SPAG16: variants seen among roughly 807,000 people sequenced by gnomAD.
The protein encoded by SPAG16 is sperm associated antigen 16, also known as sperm-associated antigen 16 protein.
In SPAG16, 86 loss-of-function variants were observed where a neutral mutation model predicts 80.4. The ratio of observed to expected loss-of-function variants is 1.07; its 90% CI spans 0.90 to 1.28. The LOEUF is 1.28. Among genes scored for constraint, SPAG16 ranks in the 50% most tolerant of loss-of-function variants. The pLI is 0.00. For missense variants in SPAG16, 870 were observed against 765.3 expected (o/e 1.14, Z -1.61); for synonymous variants, 294 against 265.9 (o/e 1.11, Z -1.03).
chr2:213,859,122 T>A (rs1238275389), intron 10 of SPAG16, among the ~76,000 whole-genome samples: 1 of 123,894 alleles, frequency 8.1e-6, no homozygotes, highest in African/African-American at 3.2e-5. Context: ...GAGGTTGTAG[T>A]GAGCCGAGAT....
intron 9 of SPAG16, among the ~76,000 whole-genome samples, chr2:213,385,864 C>A (rs1057510636): frequency 6.6e-6 from 1 of 151,840 alleles, no homozygotes; most frequent in Admixed American, 6.6e-5. Context: ...CCATAAAATT[C>A]ATGTACTAAA....
At chr2:214,155,219 GA>G (rs1188172009) in intron 15 of SPAG16, among the ~76,000 whole-genome samples, 1 of 152,074 alleles carries the variant, frequency 6.6e-6, no homozygotes, top group Admixed American at 6.6e-5. Flanking sequence ...CCTGAGGCCA[GA>G]AAAAAATCTA....
intron 2 of SPAG16, 109 bp downstream of exon 2, chr2:213,296,219 G>A: frequency 2.6e-6 from 2 of 763,692 alleles, no homozygotes; most frequent in Non-Finnish European, 4.3e-6. Flanking sequence ...TTTCTTAAGA[G>A]ATACCAGTTT....
chr2:214,056,569 G>A (rs2049958494), intron 13 of SPAG16, among the ~76,000 whole-genome samples: 1 of 151,940 alleles, frequency 6.6e-6, no homozygotes, highest in Non-Finnish European at 1.5e-5. Context: ...CCTTCAGCAA[G>A]TTGTAATGTT....
chr2:214,064,394 T>C (rs773726220), intron 13 of SPAG16, among the ~76,000 whole-genome samples: 1 of 152,126 alleles, frequency 6.6e-6, no homozygotes, highest in African/African-American at 2.4e-5. Flanking sequence ...AATTATTCTC[T>C]TGTTCTAAAA....
At chr2:213,386,745 C>T (rs1017781710) in intron 9 of SPAG16, among the ~76,000 whole-genome samples, 1 of 152,096 alleles carries the variant, frequency 6.6e-6, no homozygotes, top group African/African-American at 2.4e-5. Flanking sequence ...ATTAGGGGAA[C>T]AATTTTTGTG....
chr2:214,369,330 T>G (rs1386045778), intron 15 of SPAG16, among the ~76,000 whole-genome samples: 2 of 152,178 alleles, frequency 1.3e-5, no homozygotes, highest in African/African-American at 4.8e-5. Flanking sequence ...AATCTTCTTC[T>G]GCAACTCACT....
chr2:213,978,765 G>A (rs1259433511), intron 12 of SPAG16, among the ~76,000 whole-genome samples: 1 of 152,074 alleles, frequency 6.6e-6, no homozygotes, highest in Non-Finnish European at 1.5e-5. Context: ...TGTGATTGGG[G>A]CAGGAAGATC....
At chr2:213,830,932 A>G (rs937849467) in intron 10 of SPAG16, among the ~76,000 whole-genome samples, 3 of 152,048 alleles carry the variant, frequency 2.0e-5, no homozygotes, top group Non-Finnish European at 2.9e-5. Flanking sequence ...ATACATATCA[A>G]TGATATATGG....
At position 214,269,910 on chromosome 2, in the gene SPAG16, G is replaced by T. The variant is rs73989412; in HGVS notation, c.1720+120644G>T. Among the ~76,000 whole-genome samples the T allele has an allele frequency of 1.2e-3, 186 of 152,162 alleles. 1 individual carries two copies. The highest frequency in any genetic ancestry group is 4.2e-3 in the African/African-American group (176 of 41,536). On this transcript the variant is annotated intron_variant, in intron 15 of 15. Coordinates refer to ENST00000331683, the MANE Select transcript of SPAG16 (RefSeq NM_024532.5). Reference sequence around the variant, plus strand: ...AAATTGAACTTATCCTGAAATGTTTGCTTAAAGGCAAATGTTATTTCCTGA... The same window carrying T: ...AAATTGAACTTATCCTGAAATGTTTTCTTAAAGGCAAATGTTATTTCCTGA...
At chr2:213,588,837 A>AAAAAAAAAAAAAAAC (rs2060573779) in intron 10 of SPAG16, among the ~76,000 whole-genome samples, 1 of 147,118 alleles carries the variant, frequency 6.8e-6, no homozygotes, top group Non-Finnish European at 1.5e-5. Flanking sequence ...AAAAAAAAAA[A>AAAAAAAAAAAAAAAC]AAAAAAGACT....
rs1036948193 is a variant in SPAG16 at position 213,651,456 on chromosome 2, GA to G, written c.1070+161369del. ...GGTACTTCCTTTTTGGCAGTAAGCA[GA>G]AACCTCTCCCAAGAGTTTGGGAAGC... On this transcript the variant is annotated intron_variant, in intron 10 of 15. Transcript: ENST00000331683. Among the ~76,000 whole-genome samples the G allele has an allele frequency of 3.3e-5, 5 of 152,282 alleles. No individual in the cohort carries two copies. The East Asian group carries it at 5.8e-4, about 18-fold the overall frequency.
chr2:214,272,452 C>A (rs377570248), intron 15 of SPAG16, among the ~76,000 whole-genome samples: 4 of 152,126 alleles, frequency 2.6e-5, no homozygotes, highest in Non-Finnish European at 4.4e-5. Context: ...CCCTGCCCCC[C>A]AACCCACAAC....
At chr2:213,299,706 C>T (rs2062654758) in intron 3 of SPAG16, among the ~76,000 whole-genome samples, 1 of 151,990 alleles carries the variant, frequency 6.6e-6, no homozygotes, top group African/African-American at 2.4e-5. Flanking sequence ...GTTCAATGAT[C>T]TGAATTCTGA....
At chr2:213,812,320 T>G (rs934591367) in intron 10 of SPAG16, among the ~76,000 whole-genome samples, 4 of 152,184 alleles carry the variant, frequency 2.6e-5, no homozygotes, top group Non-Finnish European at 4.4e-5. Flanking sequence ...TATACTGAAT[T>G]GCTTTTGCAA....
chr2:213,628,370 T>C (rs1218401497), intron 10 of SPAG16, among the ~76,000 whole-genome samples: 2 of 152,210 alleles, frequency 1.3e-5, no homozygotes, highest in Non-Finnish European at 2.9e-5. Flanking sequence ...ATGGCCCTTC[T>C]GTGCACTAAA....
chr2:213,923,359 C>T (rs2078311904), intron 11 of SPAG16, among the ~76,000 whole-genome samples: 1 of 152,058 alleles, frequency 6.6e-6, no homozygotes, highest in South Asian at 2.1e-4. Flanking sequence ...GCCCTGCTGT[C>T]TGGGTGTTTC....
At chr2:213,666,596 A>G (rs2063612296) in intron 10 of SPAG16, among the ~76,000 whole-genome samples, 1 of 152,208 alleles carries the variant, frequency 6.6e-6, no homozygotes, top group Non-Finnish European at 1.5e-5. Flanking sequence ...TGACAAGTTT[A>G]TTAAGCTTTG....
intron 15 of SPAG16, among the ~76,000 whole-genome samples, chr2:214,253,092 C>T (rs369670784): frequency 3.5e-5 from 5 of 144,260 alleles, no homozygotes; most frequent in East Asian, 2.0e-4. Context: ...GCATAAATGT[C>T]TTTTTTTTTT....
Sources: allele counts gnomAD v4.1 joint callset (sites outside exome capture counted in the v4.1 genomes callset), GRCh38; gene constraint gnomAD v4.1.1; transcripts MANE v1.5; gene names NCBI Gene and HGNC (gene_info 2026-07-23, HGNC 2026-07-21).